Variants in MRPL17 observed in about 807,000 individuals in gnomAD.
MRPL17 encodes the protein mitochondrial ribosomal protein L17, also known as large ribosomal subunit protein bL17m.
In MRPL17, 8 loss-of-function variants were observed where a neutral mutation model predicts 12.0. That is an observed-to-expected ratio of 0.67 (90% CI 0.39 to 1.21). The LOEUF (loss-of-function observed/expected upper bound fraction) is 1.21. Among genes scored for constraint, MRPL17 ranks in the 50% most tolerant of loss-of-function variants. The pLI is 0.01. For missense variants in MRPL17, 263 were observed against 234.4 expected (o/e 1.12, Z -0.80); for synonymous variants, 107 against 92.9 (o/e 1.15, Z -0.87).
Position 6,680,729 on chromosome 11 carries a change from A to C in MRPL17, c.*1389T>G, listed in dbSNP as rs1057038391. On this transcript the variant is annotated 3_prime_UTR_variant, in exon 3 of 3. Transcript: ENST00000288937. Reference sequence around the variant, plus strand: ...AGGTATGACTCCTAGATACCTAGCTAGGGTGGATATTCATGCTAAGACAGA... The same window carrying C: ...AGGTATGACTCCTAGATACCTAGCTCGGGTGGATATTCATGCTAAGACAGA... The C allele has an allele frequency of 1.3e-5, 2 of 152,226 alleles. No individual in the cohort carries two copies. Among genetic ancestry groups the C allele is most frequent in the Non-Finnish European group, 2.9e-5 (2 of 68,032 alleles). The allele number at this position is 152,226 out of a possible 1,614,324, so 9.4% of individuals were successfully genotyped here.
At position 6,681,924 on chromosome 11, in the gene MRPL17, AATTT is replaced by A. The variant is rs200309634; in HGVS notation, c.*190_*193del. 3.7e-5 allele frequency: 14 copies of A among 377,254 alleles called. No individual in the cohort carries two copies. The highest frequency in any genetic ancestry group is 4.6e-5 in the Non-Finnish European group (10 of 219,724). 23.4% of individuals were successfully genotyped at this position (377,254 alleles called of 1,614,324 possible). A position where few individuals can be genotyped will look rare whatever the true frequency, so the allele number is the denominator to read the frequency against. ...TCCCACAGGAAGGAAAAAATAAATA[AATTT>A]ATATATATTCATATAAAGACTTTTA... On this transcript the variant is annotated 3_prime_UTR_variant, in exon 3 of 3. Transcript: ENST00000288937.
At chr11:6,683,064 G>A in intron 1 of MRPL17, 59 bp downstream of exon 1, 1 of 1,557,430 alleles carries the variant, frequency 6.4e-7, no homozygotes. Flanking sequence ...TCCACTTGCA[G>A]CCGGCTCCGC....
rs1371866896 is a variant in MRPL17, at chr11:6,683,254, A to C, written c.43T>G (p.Phe15Val). Reference protein sequence around the residue: ...VAAAISHGRVFRRMGLGPESR... With the variant: ...VAAAISHGRVVRRMGLGPESR... ...TCGGGACCGAGGCCCATACGGCGAA[A>C]TACGCGGCCATGGGAGATCGCTGCA... The change falls in exon 1 of 3, where the codon TTT becomes GTT. Residue 15 changes from phenylalanine to valine, a missense_variant. Transcript: ENST00000288937. 6.2e-7 allele frequency: 1 copy of C among 1,613,952 alleles called. No homozygotes were observed. Among genetic ancestry groups the C allele is most frequent in the East Asian group, 2.2e-5 (1 of 44,898 alleles).
chr11:6,682,640 G>C, intron 2 of MRPL17, 107 bp downstream of exon 2: 1 of 1,134,060 alleles, frequency 8.8e-7, no homozygotes. Flanking sequence ...AGCAGCACTG[G>C]CCCATAAGTG....
In MRPL17 at chr11:6,683,288, C is replaced by T. The variant is rs766093779; in HGVS notation, c.9G>A (p.Leu3=). The T allele has an allele frequency of 3.1e-6, 5 of 1,610,482 alleles. No homozygotes were observed. The highest frequency in any genetic ancestry group is 3.3e-4 in the Middle Eastern group (2 of 6,042). The change falls in exon 1 of 3, where the codon CTG becomes CTA. Residue 3 remains leucine (L), a synonymous_variant. Coordinates refer to ENST00000288937, the MANE Select transcript of MRPL17 (RefSeq NM_022061.4). Reference sequence around the variant, plus strand: ...CATGGGAGATCGCTGCAGCGACCGACAGCCGCATGTTTCCAACTTCTGCCC... The same window carrying T: ...CATGGGAGATCGCTGCAGCGACCGATAGCCGCATGTTTCCAACTTCTGCCC... MR[L]SVAAAISHGR...
At chr11:6,682,971 A>T (rs906633882) in intron 1 of MRPL17, 152 bp downstream of exon 1, 66 of 1,282,378 alleles carry the variant, frequency 5.1e-5, no homozygotes, top group Non-Finnish European at 6.8e-5. Context: ...CTTCCATTAG[A>T]GGCGATGGAG....
intron 2 of MRPL17, 27 bp downstream of exon 2, chr11:6,682,720 T>C (rs752953084): frequency 1.9e-6 from 3 of 1,612,156 alleles, no homozygotes; most frequent in East Asian, 2.2e-5. Flanking sequence ...AAGGGTGGGA[T>C]TTTGAAGGCA....
chr11:6,683,322 G>C lies in MRPL17; in HGVS notation c.-26C>G. 1 of 1,598,586 alleles carries C rather than the reference G, an allele frequency of 6.3e-7. No individual in the cohort carries two copies. Among genetic ancestry groups the C allele is most frequent in the Non-Finnish European group, 8.5e-7 (1 of 1,170,264 alleles). On this transcript the variant is annotated 5_prime_UTR_variant, in exon 1 of 3. Coordinates refer to ENST00000288937, the MANE Select transcript of MRPL17 (RefSeq NM_022061.4). ...GTTTCCAACTTCTGCCCGCCCCTTG[G>C]AGGCCGGAACTGGAAACTGGAAGGT...
At position 6,683,104 on chromosome 11, in the gene MRPL17, A is replaced by G. The variant is rs371877344; in HGVS notation, c.174+19T>C. 13 of 1,609,294 alleles carry G rather than the reference A, an allele frequency of 8.1e-6. No individual in the cohort carries two copies. The African/African-American group carries it at 1.6e-4, about 20-fold the overall frequency. On this transcript the variant is annotated intron_variant, in intron 1 of 2. Transcript: ENST00000288937. ...TCAGACCAGACCCGCAGAGTGGACAAGAGGGCCGCGCTCCTCACCTTCTCC... is the reference window on the plus strand; with the variant it reads ...TCAGACCAGACCCGCAGAGTGGACAGGAGGGCCGCGCTCCTCACCTTCTCC...
In MRPL17 at chr11:6,682,819, T is replaced by C. The variant is rs1460063405; in HGVS notation, c.175-4A>G. 6.2e-7 allele frequency: 1 copy of C among 1,613,286 alleles called. No individual in the cohort carries two copies. Among genetic ancestry groups the C allele is most frequent in the Non-Finnish European group, 8.5e-7 (1 of 1,179,504 alleles). On this transcript the variant is annotated splice_polypyrimidine_tract_variant and splice_region_variant and intron_variant, in intron 1 of 2. Transcript: ENST00000288937. The stretch of plus-strand genomic sequence containing the variant: ...CCAGCTTCCCATAGTCGATGAGCTG[T>C]GAGGACATAACATCACGGATCCAAC...
At chr11:6,682,916 G>T in intron 1 of MRPL17, 101 bp from the exon 2 acceptor site, 1 of 1,323,000 alleles carries the variant, frequency 7.6e-7, no homozygotes, top group Non-Finnish European at 1.1e-6. Flanking sequence ...CACTAGCCAA[G>T]CATCTCCAAT....
Position 6,682,073 on chromosome 11 carries a change from G to C in MRPL17, c.*45C>G. ...GAGAGTAAAAGTGCTCCAAAGGCCT[G>C]TGATCATGGGTACTGATTAAGGGCT... On this transcript the variant is annotated 3_prime_UTR_variant, in exon 3 of 3. Transcript: ENST00000288937. 1 of 1,561,912 alleles carries C rather than the reference G, an allele frequency of 6.4e-7. No individual in the cohort carries two copies. The highest frequency in any genetic ancestry group is 8.7e-7 in the Non-Finnish European group (1 of 1,151,192).
In MRPL17 at chr11:6,682,807, G is replaced by A. The variant is rs754195177; in HGVS notation, c.183C>T (p.Asp61=). Residue 61 remains aspartate, a synonymous_variant, in exon 2 of 3, where the codon GAC becomes GAT. Coordinates refer to ENST00000288937, the MANE Select transcript of MRPL17 (RefSeq NM_022061.4). ...EMRGYAEKLI[D]YGKLGDTNER... ...CGTTAGTGTCTCCCAGCTTCCCATA[G>A]TCGATGAGCTGTGAGGACATAACAT... The A allele has an allele frequency of 6.2e-7, 1 of 1,614,058 alleles. No homozygotes were observed. Among genetic ancestry groups the A allele is most frequent in the South Asian group, 1.1e-5 (1 of 91,070 alleles).
chr11:6,682,071 C>T lies in MRPL17; in HGVS notation c.*47G>A, dbSNP rs1326251597. ...CAGAGAGTAAAAGTGCTCCAAAGGC[C>T]TGTGATCATGGGTACTGATTAAGGG... On this transcript the variant is annotated 3_prime_UTR_variant, in exon 3 of 3. Coordinates refer to ENST00000288937, the MANE Select transcript of MRPL17 (RefSeq NM_022061.4). 6.4e-7 allele frequency: 1 copy of T among 1,559,752 alleles called. No individual in the cohort carries two copies. Among genetic ancestry groups the T allele is most frequent in the Non-Finnish European group, 8.7e-7 (1 of 1,150,232 alleles).
rs779453520 is a variant in MRPL17, at chr11:6,682,412, G to T, written c.244-10C>A. 7.4e-6 allele frequency: 12 copies of T among 1,610,808 alleles called. No individual in the cohort carries two copies. In the Admixed American group the frequency reaches 1.7e-4, roughly 22 times the overall value. ...GGATCAAATCCTTCTCCTAGAGGGA[G>T]AATTATCCAAGAGACAGCAGAGTCA... On this transcript the variant is annotated splice_polypyrimidine_tract_variant and intron_variant, in intron 2 of 2. Coordinates refer to ENST00000288937, the MANE Select transcript of MRPL17 (RefSeq NM_022061.4).
intron 2 of MRPL17, 87 bp from the exon 3 acceptor site, chr11:6,682,489 A>C: frequency 6.9e-7 from 1 of 1,456,726 alleles, no homozygotes; most frequent in Non-Finnish European, 9.4e-7. Context: ...GGTAAGGTCC[A>C]TCCACACATA....
chr11:6,682,169 G>T lies in MRPL17; in HGVS notation c.477C>A (p.Ser159Arg). 1 of 1,614,070 alleles carries T rather than the reference G, an allele frequency of 6.2e-7. No homozygotes were observed. The highest frequency in any genetic ancestry group is 1.3e-5 in the African/African-American group (1 of 75,016). ...GGGAGCTGTGGTTGCTTGCTTCCTG[G>T]CTTTGCCTGAGGTCCTGCCGCAAAC... ...LQGLRQDLRQ[S>R]QEASNHSSHT... Residue 159 changes from serine (S) to arginine (R), a missense_variant, in exon 3 of 3, where the codon AGC becomes AGA. Coordinates refer to ENST00000288937, the MANE Select transcript of MRPL17 (RefSeq NM_022061.4).
chr11:6,683,049 C>A, intron 1 of MRPL17, 74 bp downstream of exon 1: 1 of 1,543,202 alleles, frequency 6.5e-7, no homozygotes. Context: ...TGGTCCCGGT[C>A]CCTTTCCACT....
At chr11:6,683,004 TG>T (rs1293291303) in intron 1 of MRPL17, 118 bp downstream of exon 1, 3 of 1,427,750 alleles carry the variant, frequency 2.1e-6, no homozygotes, top group Admixed American at 2.1e-5. Context: ...CCCAAGGTTC[TG>T]GGGGACTCAG....
Sources: gnomAD v4.1 joint callset for allele counts on GRCh38, gnomAD v4.1.1 for gene constraint, MANE v1.5 for transcripts, NCBI Gene and HGNC (gene_info 2026-07-23, HGNC 2026-07-21) for gene names.